Variants in ARL15 observed in about 807,000 individuals in gnomAD.
ARL15 encodes ARF like GTPase 15.
In ARL15, 19 loss-of-function variants were observed where a neutral mutation model predicts 25.2. The observed-to-expected ratio is 0.75, with a 90% CI of 0.53 to 1.10. The LOEUF (loss-of-function observed/expected upper bound fraction) is 1.10. Among genes scored for constraint, ARL15 ranks in the 50% least tolerant of loss-of-function variants. ARL15 has a pLI of 0.00. For missense variants in ARL15, 220 were observed against 246.0 expected (o/e 0.89, Z 0.71); for synonymous variants, 94 against 86.8 (o/e 1.08, Z -0.46).
In ARL15 at chr5:54,114,406, GAAA is replaced by G. The variant is rs1171369744; in HGVS notation, c.254-999_254-997del. On this transcript the variant is annotated intron_variant, in intron 3 of 4. Transcript: ENST00000504924. ...GCAACACAGCAAGGCTCCATCTCAA[GAAA>G]AAAAAAAAAAAAAGCAACACCACAT... Among the ~76,000 whole-genome samples, 8 of 74,474 alleles carry G rather than the reference GAAA, an allele frequency of 1.1e-4. 1 individual carries two copies. The highest frequency in any genetic ancestry group is 4.5e-4 in the Admixed American group (2 of 4,456). 48.9% of individuals were successfully genotyped at this position (74,474 alleles called of 152,430 possible).
chr5:54,114,966 G>A (rs998506942), intron 3 of ARL15, among the ~76,000 whole-genome samples: 2 of 152,180 alleles, frequency 1.3e-5, no homozygotes, highest in African/African-American at 4.8e-5. Flanking sequence ...ATATTGTTAT[G>A]TGTTAGGGAA....
At chr5:54,079,966 G>GTC (rs1313399699) in intron 4 of ARL15, among the ~76,000 whole-genome samples, 194 of 90,742 alleles carry the variant, frequency 2.1e-3, no homozygotes, top group South Asian at 5.0e-3. Flanking sequence ...GTGAGACTCC[G>GTC]TCACACACAC....
intron 4 of ARL15, among the ~76,000 whole-genome samples, chr5:54,066,356 A>C (rs1326668979): frequency 1.3e-5 from 2 of 152,256 alleles, no homozygotes; most frequent in Non-Finnish European, 2.9e-5. Context: ...ATGTTTTCAT[A>C]AAAAATTCAA....
At position 54,123,773 on chromosome 5, in the gene ARL15, C is replaced by T. The variant is rs377283987; in HGVS notation, c.254-10363G>A. 5.1e-4 allele frequency among the ~76,000 whole-genome samples: 78 copies of T among 152,262 alleles called. No individual in the cohort carries two copies. The South Asian group carries it at 0.016, about 31-fold the overall frequency. ...GTCATTGCCAACCTTCTATCTTATG[C>T]TCTGGAATGCATCTTACTGTCTCAA... is the stretch of plus-strand genomic sequence containing the variant. On this transcript the variant is annotated intron_variant, in intron 3 of 4. Transcript: ENST00000504924.
At chr5:54,227,681 A>G (rs1487500259) in intron 1 of ARL15, among the ~76,000 whole-genome samples, 1 of 152,248 alleles carries the variant, frequency 6.6e-6, no homozygotes, top group Admixed American at 6.5e-5. Context: ...AAAGCAAGAT[A>G]AGCAGCATCA....
rs377277587 is a variant in ARL15, at chr5:54,065,486, C to T, written c.462+47716G>A. 7.2e-5 allele frequency among the ~76,000 whole-genome samples: 11 copies of T among 152,034 alleles called. No individual in the cohort carries two copies. In the South Asian group the frequency reaches 2.3e-3, roughly 32 times the overall value. On this transcript the variant is annotated intron_variant, in intron 4 of 4. Coordinates refer to ENST00000504924, the MANE Select transcript of ARL15 (RefSeq NM_019087.3). ...TTCGAGACCAGGCTGGCCAACATAGCGAAACCCTGTCTCTACTAAAAATAC... is the reference window on the plus strand; with the variant it reads ...TTCGAGACCAGGCTGGCCAACATAGTGAAACCCTGTCTCTACTAAAAATAC...
At chr5:54,115,042 T>C (rs907394587) in intron 3 of ARL15, among the ~76,000 whole-genome samples, 1 of 152,174 alleles carries the variant, frequency 6.6e-6, no homozygotes, top group Admixed American at 6.5e-5. Flanking sequence ...TCTTCCCAAC[T>C]CTGTGCTCAG....
intron 1 of ARL15, among the ~76,000 whole-genome samples, chr5:54,309,790 C>G (rs982886464): frequency 2.0e-5 from 3 of 152,220 alleles, no homozygotes; most frequent in Non-Finnish European, 4.4e-5. Context: ...CTGGCCTAAA[C>G]AGCCGGGTTC....
chr5:54,179,782 C>T (rs1307955379), intron 1 of ARL15, among the ~76,000 whole-genome samples: 1 of 151,898 alleles, frequency 6.6e-6, no homozygotes, highest in African/African-American at 2.4e-5. Context: ...CTTTGGGAGG[C>T]CGAGGTAGGG....
At chr5:54,106,139 T>C (rs890603810) in intron 4 of ARL15, among the ~76,000 whole-genome samples, 12 of 152,116 alleles carry the variant, frequency 7.9e-5, no homozygotes, top group Non-Finnish European at 7.4e-5. Flanking sequence ...TGTAGAAACA[T>C]AAAATCAAAC....
At chr5:54,098,812 GAAAACC>G (rs1752358482) in intron 4 of ARL15, among the ~76,000 whole-genome samples, 1 of 152,054 alleles carries the variant, frequency 6.6e-6, no homozygotes. Flanking sequence ...TTCCCCCAAA[GAAAACC>G]CATTCTAGGA....
At chr5:54,055,879 C>T (rs1750854263) in intron 4 of ARL15, among the ~76,000 whole-genome samples, 1 of 152,092 alleles carries the variant, frequency 6.6e-6, no homozygotes, top group Admixed American at 6.5e-5. Context: ...ATTTCTCCTC[C>T]TCCACCCACT....
chr5:54,306,329 A>C (rs991624884), intron 1 of ARL15, among the ~76,000 whole-genome samples: 8 of 152,182 alleles, frequency 5.3e-5, no homozygotes, highest in Non-Finnish European at 1.2e-4. Context: ...ACCACTAAGC[A>C]GTAACAGTCA....
chr5:54,120,749 A>G (rs1201112361), intron 3 of ARL15, among the ~76,000 whole-genome samples: 2 of 152,218 alleles, frequency 1.3e-5, no homozygotes, highest in Non-Finnish European at 2.9e-5. Flanking sequence ...CAAGACTAGA[A>G]AAGCTAGTGG....
intron 4 of ARL15, among the ~76,000 whole-genome samples, chr5:53,894,447 T>A (rs1744809213): frequency 6.6e-6 from 1 of 152,194 alleles, no homozygotes; most frequent in Non-Finnish European, 1.5e-5. Context: ...TGAAAAACAG[T>A]CTTGTTTTTG....
intron 4 of ARL15, among the ~76,000 whole-genome samples, chr5:53,932,875 C>A (rs713210): frequency 0.23 from 35,026 of 151,976 alleles, 4,108 homozygotes; most frequent in East Asian, 0.34. Flanking sequence ...AATGTAGAAG[C>A]GCTGGGGCAA....
chr5:54,310,370 C>A, intron 1 of ARL15, 62 bp downstream of exon 1: 1 of 1,554,244 alleles, frequency 6.4e-7, no homozygotes, highest in Non-Finnish European at 8.7e-7. Context: ...CTCCTCAAGG[C>A]AGGGGGCCAT....
At chr5:54,094,589 C>A (rs1752228641) in intron 4 of ARL15, among the ~76,000 whole-genome samples, 1 of 151,178 alleles carries the variant, frequency 6.6e-6, no homozygotes, top group Non-Finnish European at 1.5e-5. Context: ...GCTATAATAC[C>A]TTAATAATAA....
intron 4 of ARL15, among the ~76,000 whole-genome samples, chr5:54,018,043 TCACTAGGCTTGTTG>T (rs1327468843): frequency 1.3e-5 from 2 of 152,150 alleles, no homozygotes; most frequent in Admixed American, 1.3e-4. Context: ...ACCCATATAA[TCACTAGGCTTGTTG>T]CCTAGTGAAG....
Sources: allele counts gnomAD v4.1 joint callset (sites outside exome capture counted in the v4.1 genomes callset), GRCh38; gene constraint gnomAD v4.1.1; transcripts MANE v1.5; gene names NCBI Gene and HGNC (gene_info 2026-07-23, HGNC 2026-07-21).